CERS3: variants seen among roughly 807,000 people sequenced by gnomAD.
The protein encoded by CERS3 is ceramide synthase 3.
In CERS3, 33 loss-of-function variants were observed where a neutral mutation model predicts 50.3. The observed-to-expected ratio is 0.66, with a 90% CI of 0.50 to 0.88. CERS3 has a LOEUF of 0.88. Ranked by LOEUF, CERS3 falls within the 40% of genes least tolerant of loss-of-function variation. The probability of loss-of-function intolerance (pLI) is 0.00; values close to 1 mark genes in which losing one functional copy is unlikely to be tolerated. For missense variants in CERS3, 470 were observed against 460.3 expected, an observed-to-expected ratio of 1.02 and a Z score of -0.19; for synonymous variants, 176 against 155.2, an observed-to-expected ratio of 1.13 and a Z score of -0.99.
At chr15:100,480,942 T>C (rs563402110) in intron 5 of CERS3, among the ~76,000 whole-genome samples, 1 of 152,316 alleles carries the variant, frequency 6.6e-6, no homozygotes, top group East Asian at 1.9e-4. Context: ...ACTTAATTCA[T>C]TATGCAGTCT....
intron 10 of CERS3, among the ~76,000 whole-genome samples, chr15:100,458,968 T>C (rs1235416084): frequency 6.6e-6 from 1 of 152,218 alleles, no homozygotes; most frequent in African/African-American, 2.4e-5. Flanking sequence ...GACCATTTGG[T>C]CTCTGTTGCA....
chr15:100,513,824 T>C (rs2036420278), intron 2 of CERS3, among the ~76,000 whole-genome samples: 1 of 152,088 alleles, frequency 6.6e-6, no homozygotes, highest in Non-Finnish European at 1.5e-5. Flanking sequence ...GTCAAAGTTC[T>C]TTTTTTAGCC....
At position 100,402,557 on chromosome 15, in the gene CERS3, A is replaced by T; in HGVS notation, c.*156T>A. 1.5e-6 allele frequency: 1 copy of T among 674,224 alleles called. No individual in the cohort carries two copies. Among genetic ancestry groups the T allele is most frequent in the Non-Finnish European group, 2.5e-6 (1 of 407,242 alleles). 41.8% of individuals were successfully genotyped at this position (674,224 alleles called of 1,614,324 possible). On this transcript the variant is annotated 3_prime_UTR_variant, in exon 12 of 12. Transcript: ENST00000679737. ...TGCTTATATTTAACATTTTAACACA[A>T]GTTAACAACATTTTGGTAAACACAT...
At chr15:100,510,290 A>G (rs867757794) in intron 2 of CERS3, among the ~76,000 whole-genome samples, 8 of 152,306 alleles carry the variant, frequency 5.3e-5, no homozygotes, top group Admixed American at 6.5e-5. Flanking sequence ...AAGAGAGAGA[A>G]AAAAAAGAAA....
Position 100,411,502 on chromosome 15 carries a change from G to A in CERS3, c.1000-8637C>T, listed in dbSNP as rs537748472. Among the ~76,000 whole-genome samples the A allele has an allele frequency of 6.6e-5, 10 of 152,178 alleles. No individual in the cohort carries two copies. The Middle Eastern group carries it at 0.01, about 155-fold the overall frequency. On this transcript the variant is annotated intron_variant, in intron 11 of 11. Coordinates refer to ENST00000679737, the MANE Select transcript of CERS3 (RefSeq NM_001378789.1). The stretch of plus-strand genomic sequence containing the variant: ...TAAAGGCTGAATAATATTCCATGGT[G>A]TGCATATATCACATATTGTTTATCC...
chr15:100,512,196 C>G (rs2036363716), intron 2 of CERS3, among the ~76,000 whole-genome samples: 1 of 152,240 alleles, frequency 6.6e-6, no homozygotes, highest in Non-Finnish European at 1.5e-5. Flanking sequence ...TAATGCCTCT[C>G]AACTCCAAAT....
At chr15:100,438,529 T>A (rs932325727) in intron 11 of CERS3, among the ~76,000 whole-genome samples, 3 of 152,218 alleles carry the variant, frequency 2.0e-5, no homozygotes, top group Non-Finnish European at 4.4e-5. Flanking sequence ...AAATAAAGAA[T>A]AATTTAAAAG....
At chr15:100,408,637 G>T (rs973143410) in intron 11 of CERS3, 4 of 152,178 alleles carry the variant, frequency 2.6e-5, no homozygotes, top group South Asian at 4.1e-4. Context: ...GCTCAGAAGG[G>T]ATCCCTCTGG....
intron 5 of CERS3, among the ~76,000 whole-genome samples, chr15:100,483,931 C>T (rs1433826172): frequency 2.0e-5 from 3 of 151,034 alleles, no homozygotes; most frequent in Admixed American, 6.6e-5. Context: ...CAGGCGCCCG[C>T]CACCACGCCC....
At chr15:100,403,676 T>C (rs2030742172) in intron 11 of CERS3, among the ~76,000 whole-genome samples, 1 of 152,188 alleles carries the variant, frequency 6.6e-6, no homozygotes. Flanking sequence ...AACTACAAAC[T>C]ACTAAAACTT....
At chr15:100,488,670 C>T (rs544948642) in intron 4 of CERS3, among the ~76,000 whole-genome samples, 14 of 152,194 alleles carry the variant, frequency 9.2e-5, no homozygotes, top group Admixed American at 4.6e-4. Context: ...ATATACTATA[C>T]GAATACTGCC....
rs375146995 is a variant in CERS3 at position 100,473,088 on chromosome 15, A to G, written c.610-36T>C. ...AGGGAAAATGGAAGCCATTAAGGAA[A>G]TGCATTTATTTCCCAATCACTGGAA... On this transcript the variant is annotated intron_variant, in intron 8 of 11. Transcript: ENST00000679737. 8.8e-6 allele frequency: 14 copies of G among 1,587,602 alleles called. No homozygotes were observed. The African/African-American group carries it at 1.8e-4, about 20-fold the overall frequency.
intron 10 of CERS3, among the ~76,000 whole-genome samples, chr15:100,459,695 A>G (rs1036558630): frequency 6.6e-6 from 1 of 152,206 alleles, no homozygotes; most frequent in African/African-American, 2.4e-5. Context: ...ATAATGTTAC[A>G]CTGCTTTCCA....
intron 10 of CERS3, among the ~76,000 whole-genome samples, chr15:100,461,758 G>T (rs146399978): frequency 2.0e-4 from 31 of 152,258 alleles, no homozygotes; most frequent in African/African-American, 7.0e-4. Flanking sequence ...ACTTTGGAGA[G>T]GGTAAGCAGG....
intron 11 of CERS3, among the ~76,000 whole-genome samples, chr15:100,443,002 T>C (rs1323581817): frequency 6.6e-6 from 1 of 151,724 alleles, no homozygotes; most frequent in East Asian, 1.9e-4. Flanking sequence ...GACAATACTC[T>C]TTTAAGCACT....
chr15:100,444,184 C>T (rs1394622732), intron 11 of CERS3, among the ~76,000 whole-genome samples: 1 of 152,150 alleles, frequency 6.6e-6, no homozygotes, highest in Non-Finnish European at 1.5e-5. Context: ...TTTAGAAGCC[C>T]TTAAAATCAC....
At chr15:100,467,939 C>G (rs558882996) in intron 10 of CERS3, among the ~76,000 whole-genome samples, 7 of 150,048 alleles carry the variant, frequency 4.7e-5, no homozygotes, top group African/African-American at 1.7e-4. Context: ...CCAGGCTGAT[C>G]TAGAACTCCT....
At chr15:100,448,571 A>G (rs1020395901) in intron 11 of CERS3, among the ~76,000 whole-genome samples, 32 of 152,078 alleles carry the variant, frequency 2.1e-4, no homozygotes, top group African/African-American at 6.0e-4. Context: ...GGTCCCACAT[A>G]CCCCCTGAGT....
At chr15:100,507,757 G>A (rs2036226213) in intron 2 of CERS3, among the ~76,000 whole-genome samples, 1 of 152,260 alleles carries the variant, frequency 6.6e-6, no homozygotes, top group African/African-American at 2.4e-5. Context: ...TGGTCATTCA[G>A]ATGCTTTTGT....
Sources: allele counts gnomAD v4.1 joint callset (sites outside exome capture counted in the v4.1 genomes callset), GRCh38; gene constraint gnomAD v4.1.1; transcripts MANE v1.5; gene names NCBI Gene and HGNC (gene_info 2026-07-23, HGNC 2026-07-21).